Variants in COMMD4 observed in about 807,000 individuals in gnomAD.
COMMD4 encodes COMM domain-containing protein 4.
In COMMD4, 18 loss-of-function variants were observed where a neutral mutation model predicts 27.5. That is an observed-to-expected ratio of 0.65 (90% CI 0.45 to 0.97). The LOEUF (loss-of-function observed/expected upper bound fraction) is 0.97, where lower values mean the gene tolerates loss of function less well. Ranked by LOEUF, COMMD4 falls within the 50% of genes least tolerant of loss-of-function variation. COMMD4 has a pLI of 0.00. For missense variants in COMMD4, 243 were observed against 250.0 expected (o/e 0.97, Z 0.19); for synonymous variants, 108 against 108.4 (o/e 1.00, Z 0.02).
chr15:75,339,257 C>T lies in COMMD4; in HGVS notation c.302-7C>T, dbSNP rs200129803. On this transcript the variant is annotated splice_polypyrimidine_tract_variant and splice_region_variant and intron_variant, in intron 5 of 7. Transcript: ENST00000267935. Reference sequence around the variant, plus strand: ...CTACCTCCAGAGCTACTCCATTCTACCCCCAGAGCACGCGGCCAGCCTGTG... The same window carrying T: ...CTACCTCCAGAGCTACTCCATTCTATCCCCAGAGCACGCGGCCAGCCTGTG... The T allele has an allele frequency of 3.2e-4, 509 of 1,612,214 alleles. 3 individuals are homozygous for T. In the East Asian group the frequency reaches 0.011, roughly 34 times the overall value.
intron 6 of COMMD4, 129 bp downstream of exon 6, chr15:75,339,473 C>G: frequency 7.0e-7 from 1 of 1,432,340 alleles, no homozygotes; most frequent in Non-Finnish European, 9.6e-7. Context: ...GAGCTGGGAC[C>G]TGGCCCTGGG....
rs1333921588 is a variant in COMMD4, at chr15:75,339,067, C to G, written c.264C>G (p.Ser88=). 1.2e-6 allele frequency: 2 copies of G among 1,613,694 alleles called. No individual in the cohort carries two copies. Among genetic ancestry groups the G allele is most frequent in the Non-Finnish European group, 1.7e-6 (2 of 1,179,946 alleles). ...CCAAGCACAGTGTCGATGGCGAATCCTTGTCCAGTGAACTGCAGCAGCTGG... is the reference window on the plus strand; with the variant it reads ...CCAAGCACAGTGTCGATGGCGAATCGTTGTCCAGTGAACTGCAGCAGCTGG... The part of the protein sequence containing the change: ...SAAKHSVDGE[S]LSSELQQLGL... The change falls in exon 5 of 8, where the codon TCC becomes TCG. Residue 88 remains serine, a synonymous_variant. Coordinates refer to ENST00000267935, the MANE Select transcript of COMMD4 (RefSeq NM_017828.5).
chr15:75,338,359 C>T lies in COMMD4; in HGVS notation c.80C>T (p.Ser27Phe). ...ATGTAAGGACTTCCCTTCCAGTCCT[C>T]TGTGAAGTTGCGGCTGCTCTGCAGC... is the stretch of plus-strand genomic sequence containing the variant. ...AEISTLAKMS[S>F]VKLRLLCSQV... The change falls in exon 3 of 8, where the codon TCT becomes TTT. Residue 27 changes from serine to phenylalanine, a missense_variant. By Grantham distance (155) the Ser-to-Phe change is radical. Transcript: ENST00000267935. 1 of 1,600,034 alleles carries T rather than the reference C, an allele frequency of 6.2e-7. No homozygotes were observed. The highest frequency in any genetic ancestry group is 8.5e-7 in the Non-Finnish European group (1 of 1,172,952).
intron 3 of COMMD4, 27 bp downstream of exon 3, chr15:75,338,447 G>C (rs774440065): frequency 6.2e-7 from 1 of 1,607,586 alleles, no homozygotes; most frequent in Non-Finnish European, 8.5e-7. Flanking sequence ...GCACCCCATT[G>C]TCCCATGACC....
downstream of COMMD4, chr15:75,340,289 C>G (rs2071413363): frequency 8.6e-6 from 4 of 466,348 alleles, no homozygotes; most frequent in East Asian, 1.3e-4. Context: ...GCAGGGGGTT[C>G]TGTTTGGGTT....
rs1053154607 is a variant in COMMD4, at chr15:75,336,093, G to A, written c.3+1G>A. 6.5e-5 allele frequency: 100 copies of A among 1,549,706 alleles called. No homozygotes were observed. The highest frequency in any genetic ancestry group is 7.9e-5 in the Non-Finnish European group (91 of 1,146,840). On this transcript the variant is annotated splice_donor_variant, in intron 1 of 7. Coordinates refer to ENST00000267935, the MANE Select transcript of COMMD4 (RefSeq NM_017828.5). LOFTEE classifies it high-confidence loss of function. The stretch of plus-strand genomic sequence containing the variant: ...CGGGCCCTGGCTTCTTGGCGCGATG[G>A]TGAGGCACTAGGGGCGAAGCGAGGC...
intron 1 of COMMD4, chr15:75,336,532 A>G (rs1488638219): frequency 3.1e-6 from 1 of 327,366 alleles, no homozygotes; most frequent in Non-Finnish European, 5.6e-6. Context: ...CGCTCTTTCC[A>G]GAGCCAGAAA....
At position 75,339,038 on chromosome 15, in the gene COMMD4, G is replaced by A; in HGVS notation, c.235G>A (p.Ala79Thr). 4 of 1,613,900 alleles carry A rather than the reference G, an allele frequency of 2.5e-6. No individual in the cohort carries two copies. Among genetic ancestry groups the A allele is most frequent in the Non-Finnish European group, 3.4e-6 (4 of 1,179,898 alleles). ...VAVLSFILSS[A>T]AKHSVDGESL... is the part of the protein sequence containing the mutation. ...AGTGCTGAGTTTCATCCTCTCCAGT[G>A]CGGCCAAGCACAGTGTCGATGGCGA... is the stretch of plus-strand genomic sequence containing the variant. The change falls in exon 5 of 8, where the codon GCG becomes ACG. Residue 79 changes from alanine (A) to threonine (T), a missense_variant. Coordinates refer to ENST00000267935, the MANE Select transcript of COMMD4 (RefSeq NM_017828.5).
downstream of COMMD4, chr15:75,341,588 C>T (rs545605320): frequency 6.6e-6 from 1 of 152,090 alleles, no homozygotes; most frequent in African/African-American, 2.4e-5. Flanking sequence ...AGAAGGCACC[C>T]TAGCCTGGCT....
Position 75,338,419 on chromosome 15 carries a change from A to T in COMMD4, c.140A>T (p.Asp47Val). ...AAGGAGCTGCTGGGACAGGGGATTGATGTGAGTACAAGATCCAGCACCCCA... is the reference window on the plus strand; with the variant it reads ...AAGGAGCTGCTGGGACAGGGGATTGTTGTGAGTACAAGATCCAGCACCCCA... Reference protein sequence around the residue: ...VLKELLGQGIDYEKILKLTAD... With the variant: ...VLKELLGQGIVYEKILKLTAD... Residue 47 changes from aspartate (D) to valine (V), a missense_variant and splice_region_variant, in exon 3 of 8, where the codon GAT becomes GTT. Physicochemically the swap from Asp to Val is radical, Grantham distance 152 (BLOSUM62 -3). Transcript: ENST00000267935. 1 of 1,604,448 alleles carries T rather than the reference A, an allele frequency of 6.2e-7. No homozygotes were observed. Among genetic ancestry groups the T allele is most frequent in the Non-Finnish European group, 8.5e-7 (1 of 1,176,000 alleles).
rs367966404 is a variant in COMMD4, at chr15:75,338,121, G to A, written c.63G>A (p.Thr21=). 1.4e-4 allele frequency: 229 copies of A among 1,605,278 alleles called. No homozygotes were observed. The highest frequency in any genetic ancestry group is 1.9e-4 in the African/African-American group (14 of 74,836). The stretch of plus-strand genomic sequence containing the variant: ...ACTGGGTCCTGGCAGAAATCAGCAC[G>A]CTGGCCAAGATGGTTGAGTGCACAG... ...CPDWVLAEIS[T]LAKMSSVKLR... The change falls in exon 2 of 8, where the codon ACG becomes ACA. Residue 21 remains threonine, a synonymous_variant. Coordinates refer to ENST00000267935, the MANE Select transcript of COMMD4 (RefSeq NM_017828.5).
rs755778602 is a variant in COMMD4, at chr15:75,338,642, A to G, written c.142-4A>G. ...CACCCCCTGAAGGTCTCCTTTCCCC[A>G]TAGTATGAGAAGATCCTGAAGCTCA... On this transcript the variant is annotated splice_polypyrimidine_tract_variant and splice_region_variant and intron_variant, in intron 3 of 7. Transcript: ENST00000267935. 6.2e-7 allele frequency: 1 copy of G among 1,613,730 alleles called. No individual in the cohort carries two copies. Among genetic ancestry groups the G allele is most frequent in the African/African-American group, 1.3e-5 (1 of 74,890 alleles).
chr15:75,336,063 A>G lies in COMMD4; in HGVS notation c.-27A>G, dbSNP rs764194546. On this transcript the variant is annotated 5_prime_UTR_variant, in exon 1 of 8. Coordinates refer to ENST00000267935, the MANE Select transcript of COMMD4 (RefSeq NM_017828.5). ...TGACCCTGCGGGACCGGAAAAAGAA[A>G]TTCCCGGGCCCTGGCTTCTTGGCGC... The G allele has an allele frequency of 6.5e-7, 1 of 1,549,628 alleles. No individual in the cohort carries two copies. Among genetic ancestry groups the G allele is most frequent in the South Asian group, 1.2e-5 (1 of 83,974 alleles).
rs1166480069 is a variant in COMMD4, at chr15:75,338,053, C to G, written c.4-9C>G. 1 of 1,602,864 alleles carries G rather than the reference C, an allele frequency of 6.2e-7. No homozygotes were observed. Among genetic ancestry groups the G allele is most frequent in the Non-Finnish European group, 8.5e-7 (1 of 1,174,658 alleles). On this transcript the variant is annotated splice_polypyrimidine_tract_variant and intron_variant, in intron 1 of 7. Coordinates refer to ENST00000267935, the MANE Select transcript of COMMD4 (RefSeq NM_017828.5). ...CTCCAGCCTGATTACCTGCCTCCCT[C>G]CCTTGCAGAGGTTCCGGTTCTGTGG...
chr15:75,339,228 C>T, intron 5 of COMMD4, 36 bp from the exon 6 acceptor site: 1 of 1,612,168 alleles, frequency 6.2e-7, no homozygotes, highest in Non-Finnish European at 8.5e-7. Context: ...CAGGCCCCGA[C>T]ATGCTACCTC....
In COMMD4 at chr15:75,339,889, G is replaced by T. The variant is rs1342915011; in HGVS notation, c.559+11G>T. On this transcript the variant is annotated intron_variant, in intron 7 of 7. Coordinates refer to ENST00000267935, the MANE Select transcript of COMMD4 (RefSeq NM_017828.5). ...AGGTCCTCCTGGCAGGTGAGGCTCA[G>T]CTATTCCTCGACGGGTGAGAGGCTC... is the stretch of plus-strand genomic sequence containing the variant. 2 of 1,613,334 alleles carry T rather than the reference G, an allele frequency of 1.2e-6. No individual in the cohort carries two copies. Among genetic ancestry groups the T allele is most frequent in the Admixed American group, 3.3e-5 (2 of 59,982 alleles).
In COMMD4 at chr15:75,339,750, C is replaced by T. The variant is rs267604326; in HGVS notation, c.431C>T (p.Ser144Phe). ...TGGCGGGTGGACTACACCCTGAGCT[C>T]CAGCCTGCTGCAATCCGTGGAAGAG... ...VGWRVDYTLS[S>F]SLLQSVEEPM... The change falls in exon 7 of 8, where the codon TCC becomes TTC. Residue 144 changes from serine (S) to phenylalanine (F), a missense_variant. By Grantham distance (155) the Ser-to-Phe change is radical. Transcript: ENST00000267935. 1.2e-6 allele frequency: 2 copies of T among 1,613,254 alleles called. No homozygotes were observed. The highest frequency in any genetic ancestry group is 1.7e-5 in the Admixed American group (1 of 59,956).
At chr15:75,341,244 T>A (rs182753671), downstream of COMMD4, 1 of 152,388 alleles carries the variant, frequency 6.6e-6, no homozygotes, top group African/African-American at 2.4e-5. Context: ...GGCATTGTTA[T>A]AGCAGCTCGA....
Position 75,339,090 on chromosome 15 carries a change from T to C in COMMD4, c.287T>C (p.Leu96Pro). The change falls in exon 5 of 8, where the codon CTG becomes CCG. Residue 96 changes from leucine (L) to proline (P), a missense_variant. Coordinates refer to ENST00000267935, the MANE Select transcript of COMMD4 (RefSeq NM_017828.5). ...TCCTTGTCCAGTGAACTGCAGCAGC[T>C]GGGGCTGCCCAAAGGTACGGGTTGT... ...GESLSSELQQ[L>P]GLPKEHAASL... The C allele has an allele frequency of 2.5e-6, 4 of 1,613,482 alleles. No individual in the cohort carries two copies. Among genetic ancestry groups the C allele is most frequent in the Non-Finnish European group, 3.4e-6 (4 of 1,179,976 alleles).
Sources: gnomAD v4.1 joint callset for allele counts on GRCh38, gnomAD v4.1.1 for gene constraint, MANE v1.5 for transcripts, NCBI Gene and HGNC (gene_info 2026-07-23, HGNC 2026-07-21) for gene names.